Variants in NRG4 observed in about 807,000 individuals in gnomAD.
NRG4 encodes neuregulin 4, also known as pro-neuregulin-4, membrane-bound isoform.
Under a neutral mutation model 15.0 loss-of-function variants are expected in NRG4, and 10 were observed. The ratio of observed to expected loss-of-function variants is 0.67; its 90% confidence interval spans 0.41 to 1.13. The LOEUF (loss-of-function observed/expected upper bound fraction) is 1.13, where lower values mean the gene tolerates loss of function less well. Among genes scored for constraint, NRG4 ranks in the 50% most tolerant of loss-of-function variants. NRG4 has a pLI of 0.00. For synonymous variants in NRG4, 41 were observed against 50.1 expected, an observed-to-expected ratio of 0.82 and a Z score of 0.77; for missense variants, 139 against 140.2, an observed-to-expected ratio of 0.99 and a Z score of 0.04.
intron 5 of NRG4, among the ~76,000 whole-genome samples, chr15:75,952,928 T>A (rs949547780): frequency 6.6e-5 from 10 of 152,354 alleles, no homozygotes; most frequent in Middle Eastern, 6.8e-3. Flanking sequence ...AAGTCTCATA[T>A]GTATGATTAA....
intron 3 of NRG4, chr15:75,969,260 A>G (rs761414959): frequency 1.1e-5 from 5 of 455,168 alleles, no homozygotes; most frequent in South Asian, 7.8e-5. Context: ...GCTGGGCAAA[A>G]GTCACAGTTG....
chr15:75,948,687 T>C (rs746913981), intron 5 of NRG4, among the ~76,000 whole-genome samples: 3 of 152,134 alleles, frequency 2.0e-5, no homozygotes, highest in Admixed American at 6.5e-5. Context: ...GCACCACTTA[T>C]TGAAAAACGG....
intron 3 of NRG4, among the ~76,000 whole-genome samples, chr15:75,995,520 G>A (rs368929556): frequency 1.4e-4 from 21 of 151,866 alleles, no homozygotes; most frequent in Non-Finnish European, 2.2e-4. Flanking sequence ...AGGCCCCCCC[G>A]CCCCAAACAC....
rs2031208607 is a variant in NRG4 at position 75,943,540 on chromosome 15, GAAAT to G, written c.*94_*97del. On this transcript the variant is annotated 3_prime_UTR_variant, in exon 6 of 6. Transcript: ENST00000394907. ...CGAGTTACACAAGCGTTTTATTTAAGAAATAAAGGATTAGATTTTTAATTCTTTT... is the reference window on the plus strand; with the variant it reads ...CGAGTTACACAAGCGTTTTATTTAAGAAAGGATTAGATTTTTAATTCTTTT... 4 of 770,510 alleles carry G rather than the reference GAAAT, an allele frequency of 5.2e-6. No homozygotes were observed. Among genetic ancestry groups the G allele is most frequent in the East Asian group, 5.0e-5 (2 of 40,372 alleles). 47.7% of individuals were successfully genotyped at this position (770,510 alleles called of 1,614,324 possible).
chr15:76,045,476 C>T (rs2141958711), intron 4 of NRG4, among the ~76,000 whole-genome samples: 1 of 151,176 alleles, frequency 6.6e-6, no homozygotes, highest in Middle Eastern at 3.4e-3. Flanking sequence ...TCTACACTCC[C>T]ATGTTTACTG....
At chr15:76,030,811 C>T (rs930140004) in intron 5 of NRG4, among the ~76,000 whole-genome samples, 1 of 152,228 alleles carries the variant, frequency 6.6e-6, no homozygotes, top group Non-Finnish European at 1.5e-5. Context: ...TTCCACCAAA[C>T]ATTTCAGGAA....
In NRG4 at chr15:75,941,798, G is replaced by T. The variant is rs2030985144; in HGVS notation, c.*1840C>A. The T allele has an allele frequency of 1.3e-5, 2 of 152,144 alleles. No homozygotes were observed. Among genetic ancestry groups the T allele is most frequent in the African/African-American group, 4.8e-5 (2 of 41,422 alleles). The allele number at this position is 152,144 out of a possible 1,614,324, so 9.4% of individuals were successfully genotyped here. On this transcript the variant is annotated 3_prime_UTR_variant, in exon 6 of 6. Transcript: ENST00000394907. ...TTGTTTAAGGGGCACAGAGATTAGTGTGGGATCATGAAAAAGTTCCGGAGG... is the reference window on the plus strand; with the variant it reads ...TTGTTTAAGGGGCACAGAGATTAGTTTGGGATCATGAAAAAGTTCCGGAGG...
At chr15:75,978,367 CAT>C (rs2033457067) in intron 3 of NRG4, among the ~76,000 whole-genome samples, 1 of 152,166 alleles carries the variant, frequency 6.6e-6, no homozygotes. Flanking sequence ...TGTTGCTGCA[CAT>C]GACGGGACTT....
At chr15:75,965,567 A>G (rs2032757659) in intron 3 of NRG4, among the ~76,000 whole-genome samples, 1 of 152,228 alleles carries the variant, frequency 6.6e-6, no homozygotes, top group Non-Finnish European at 1.5e-5. Flanking sequence ...TTACATTACT[A>G]TCCAGGAAGT....
intron 2 of NRG4, among the ~76,000 whole-genome samples, chr15:76,053,570 CAG>C (rs1443953462): frequency 6.6e-6 from 1 of 150,534 alleles, no homozygotes; most frequent in African/African-American, 2.5e-5. Flanking sequence ...TTTTTTGAGA[CAG>C]AGTCTTGCTC....
chr15:75,938,200 A>G (rs1163715800), downstream of NRG4: 1 of 152,230 alleles, frequency 6.6e-6, no homozygotes, highest in Admixed American at 6.5e-5. Flanking sequence ...AGGAAGAGAG[A>G]CTTCAGTGAT....
At chr15:76,011,307 A>G in intron 1 of NRG4, 21 bp from the exon 2 acceptor site, 1 of 1,209,846 alleles carries the variant, frequency 8.3e-7, no homozygotes, top group South Asian at 2.7e-5. Context: ...TTAAAAAGTA[A>G]TAATTCAGGG....
In NRG4 at chr15:75,994,827, G is replaced by C. The variant is rs76560522; in HGVS notation, c.104+14373C>G. The stretch of plus-strand genomic sequence containing the variant: ...CAACAATATATTTGTAATACACCTT[G>C]TCTTAGTCTATTTGCATTGCTGTAA... On this transcript the variant is annotated intron_variant, in intron 3 of 5. Transcript: ENST00000394907. Among the ~76,000 whole-genome samples the C allele has an allele frequency of 3.1e-3, 476 of 152,298 alleles. 1 individual carries two copies. Among genetic ancestry groups the C allele is most frequent in the African/African-American group, 0.011 (460 of 41,546 alleles).
upstream of NRG4, among the ~76,000 whole-genome samples, chr15:76,012,777 T>C (rs1315197873): frequency 6.6e-6 from 1 of 152,148 alleles, no homozygotes; most frequent in Non-Finnish European, 1.5e-5. Context: ...TTTATGAGGT[T>C]TGTGTTACCT....
At chr15:76,008,024 C>G (rs2034670210) in intron 3 of NRG4, among the ~76,000 whole-genome samples, 1 of 152,138 alleles carries the variant, frequency 6.6e-6, no homozygotes, top group African/African-American at 2.4e-5. Context: ...GGGGGATTAT[C>G]TATGGAAATG....
At chr15:75,983,198 T>C (rs760550228) in intron 3 of NRG4, among the ~76,000 whole-genome samples, 3 of 152,116 alleles carry the variant, frequency 2.0e-5, no homozygotes, top group Non-Finnish European at 4.4e-5. Context: ...GCCGCTAATA[T>C]AACTATCCTC....
chr15:76,047,220 C>T (rs935813093), intron 4 of NRG4, among the ~76,000 whole-genome samples: 6 of 150,678 alleles, frequency 4.0e-5, no homozygotes, highest in African/African-American at 7.4e-5. Context: ...ATGGCGGCTT[C>T]TCAAAAGCCT....
chr15:76,024,099 A>G (rs534421453), intron 5 of NRG4, among the ~76,000 whole-genome samples: 82 of 152,322 alleles, frequency 5.4e-4, no homozygotes, highest in African/African-American at 1.9e-3. Flanking sequence ...AAACAGATTC[A>G]TGGGCTACTC....
rs1484587076 is a variant in NRG4 at position 76,009,282 on chromosome 15, G to A, written c.22C>T (p.Pro8Ser). MPTDHEEPCGPSHKSFCL... is the reference protein window; with the variant it reads MPTDHEESCGPSHKSFCL... ...AACGACTTGTGACTGGGACCACAGG[G>A]CTCTTCGTGATCTAGAACACATACA... Residue 8 changes from proline (P) to serine (S), a missense_variant, in exon 3 of 6, where the codon CCC (proline) becomes TCC (serine). Coordinates refer to ENST00000394907, the MANE Select transcript of NRG4 (RefSeq NM_138573.4). 1.9e-6 allele frequency: 3 copies of A among 1,575,278 alleles called. No individual in the cohort carries two copies. The highest frequency in any genetic ancestry group is 2.7e-5 in the African/African-American group (2 of 73,212).
Sources: gnomAD v4.1 joint callset for allele counts (sites outside exome capture counted in the v4.1 genomes callset) on GRCh38, gnomAD v4.1.1 for gene constraint, MANE v1.5 for transcripts, NCBI Gene and HGNC (gene_info 2026-07-23, HGNC 2026-07-21) for gene names.